The following EXT1 variants were observed in gnomAD, a reference collection of about 807,000 sequenced individuals.
EXT1 encodes the protein exostosin glycosyltransferase 1, also known as exostosin-1.
EXT1 carries 20 observed loss-of-function variants against 82.5 expected under a neutral mutation model. The ratio of observed to expected loss-of-function variants is 0.24; its 90% CI spans 0.17 to 0.35. EXT1 has a LOEUF of 0.35. Ranked by LOEUF, EXT1 falls within the 10% of genes least tolerant of loss-of-function variation. EXT1 has a pLI of 1.00. For synonymous variants in EXT1, 348 were observed against 350.8 expected, an observed-to-expected ratio of 0.99 and a Z score of 0.09; for missense variants, 757 against 936.5, an observed-to-expected ratio of 0.81 and a Z score of 2.50.
intron 8 of EXT1, 145 bp downstream of exon 8, chr8:117,812,727 G>A: frequency 1.3e-6 from 1 of 759,832 alleles, no homozygotes; most frequent in Admixed American, 2.0e-5. Context: ...ACAGGAATCG[G>A]GCTGATTAAA....
intron 1 of EXT1, among the ~76,000 whole-genome samples, chr8:118,044,826 C>T (rs1026735163): frequency 2.0e-5 from 3 of 152,176 alleles, no homozygotes; most frequent in Non-Finnish European, 2.9e-5. Flanking sequence ...GGCGCCCCAC[C>T]GCATGCTTTT....
intron 1 of EXT1, among the ~76,000 whole-genome samples, chr8:117,879,299 A>G (rs1813021625): frequency 6.6e-6 from 1 of 152,220 alleles, no homozygotes; most frequent in Non-Finnish European, 1.5e-5. Flanking sequence ...CTTTCATGTC[A>G]TAATTTCTCC....
intron 1 of EXT1, among the ~76,000 whole-genome samples, chr8:118,050,575 A>C (rs867915583): frequency 6.6e-6 from 1 of 152,234 alleles, no homozygotes; most frequent in African/African-American, 2.4e-5. Context: ...TCTCTCTTGC[A>C]AGTACTCAAT....
chr8:117,980,983 C>G (rs1815187185), intron 1 of EXT1, among the ~76,000 whole-genome samples: 1 of 152,104 alleles, frequency 6.6e-6, no homozygotes, highest in Non-Finnish European at 1.5e-5. Context: ...CAGAAGTCAG[C>G]CCACAGATGC....
At position 118,084,442 on chromosome 8, in the gene EXT1, A is replaced by G. The variant is rs2129987606; in HGVS notation, c.962+25643T>C. 2.0e-5 allele frequency among the ~76,000 whole-genome samples: 3 copies of G among 152,336 alleles called. No individual in the cohort carries two copies. The Middle Eastern group carries it at 0.01, about 518-fold the overall frequency. On this transcript the variant is annotated intron_variant, in intron 1 of 10. Coordinates refer to ENST00000378204, the MANE Select transcript of EXT1 (RefSeq NM_000127.3). ...ACATCCATCTCTTTCACTGGGCTGC[A>G]GGCTCAAAGACTGCAGGGATCAGAT...
intron 8 of EXT1, 101 bp from the exon 9 acceptor site, chr8:117,807,478 C>T: frequency 7.4e-7 from 1 of 1,353,522 alleles, no homozygotes; most frequent in South Asian, 1.2e-5. Context: ...AATCCGGGGA[C>T]TGTGGCGAAA....
At position 117,968,230 on chromosome 8, in the gene EXT1, C is replaced by T. The variant is rs527545704; in HGVS notation, c.963-131029G>A. On this transcript the variant is annotated intron_variant, in intron 1 of 10. Transcript: ENST00000378204. Reference sequence around the variant, plus strand: ...AAGCGATCCTCCCACCCCAACCTCCCCAGTAGCTGTGACTACAGGCACACA... The same window carrying T: ...AAGCGATCCTCCCACCCCAACCTCCTCAGTAGCTGTGACTACAGGCACACA... 3.4e-3 allele frequency among the ~76,000 whole-genome samples: 511 copies of T among 152,160 alleles called. 4 individuals are homozygous for T. The highest frequency in any genetic ancestry group is 0.012 in the African/African-American group (481 of 41,520).
rs759834555 is a variant in EXT1, at chr8:118,111,031, G to GT, written c.15dup (p.Arg6ThrfsTer24). On this transcript the variant is annotated frameshift_variant, in exon 1 of 11. Transcript: ENST00000378204. LOFTEE classifies it high-confidence loss of function. ...CCAGCTGAGAGCAGGATGAAATAGC[G>GT]TTTTTTGGCCTGCATGTGTCCTGCC... The GT allele has an allele frequency of 6.3e-7, 1 of 1,598,176 alleles. No homozygotes were observed.
chr8:117,959,505 C>T (rs1442008263), intron 1 of EXT1, among the ~76,000 whole-genome samples: 3 of 152,184 alleles, frequency 2.0e-5, no homozygotes, highest in East Asian at 1.9e-4. Context: ...AGGCAGTTCT[C>T]GGCACAGTCC....
intron 1 of EXT1, 51 bp downstream of exon 1, chr8:118,110,034 C>T: frequency 6.2e-7 from 1 of 1,612,150 alleles, no homozygotes; most frequent in Non-Finnish European, 8.5e-7. Flanking sequence ...TGGACCAAGG[C>T]CGGCAGAGCC....
intron 1 of EXT1, among the ~76,000 whole-genome samples, chr8:117,843,686 T>C (rs1812308087): frequency 6.6e-6 from 1 of 152,112 alleles, no homozygotes; most frequent in South Asian, 2.1e-4. Flanking sequence ...CTGAAGGGCT[T>C]GAGCAGAAGA....
At chr8:117,923,250 G>A (rs958792258) in intron 1 of EXT1, among the ~76,000 whole-genome samples, 16 of 152,254 alleles carry the variant, frequency 1.1e-4, no homozygotes, top group African/African-American at 3.9e-4. Context: ...GAACCTGGGA[G>A]GTGGAGGTTG....
chr8:117,983,538 T>C (rs891906598), intron 1 of EXT1, among the ~76,000 whole-genome samples: 2 of 152,146 alleles, frequency 1.3e-5, no homozygotes, highest in Non-Finnish European at 2.9e-5. Context: ...GGACGCTCAG[T>C]AGTAACAGCC....
chr8:117,922,971 A>G (rs983680929), intron 1 of EXT1, among the ~76,000 whole-genome samples: 1 of 152,166 alleles, frequency 6.6e-6, no homozygotes, highest in East Asian at 1.9e-4. Context: ...AGTTCATTTT[A>G]TAGATATAAG....
chr8:117,852,266 G>T (rs981867283), intron 1 of EXT1, among the ~76,000 whole-genome samples: 1 of 152,154 alleles, frequency 6.6e-6, no homozygotes, highest in African/African-American at 2.4e-5. Flanking sequence ...CCATTGGCTA[G>T]CTAAGTGAGC....
intron 1 of EXT1, among the ~76,000 whole-genome samples, chr8:118,078,416 C>T (rs185686124): frequency 7.2e-5 from 11 of 151,848 alleles, no homozygotes; most frequent in African/African-American, 2.2e-4. Context: ...CCAGGCTGGT[C>T]TCGAACTCTG....
chr8:117,922,514 C>T (rs1431988714), intron 1 of EXT1, among the ~76,000 whole-genome samples: 2 of 152,160 alleles, frequency 1.3e-5, no homozygotes, highest in Non-Finnish European at 2.9e-5. Flanking sequence ...TTATGACAGT[C>T]ATCTGTCACA....
At chr8:117,820,360 T>C (rs1450745232) in intron 5 of EXT1, among the ~76,000 whole-genome samples, 1 of 152,120 alleles carries the variant, frequency 6.6e-6, no homozygotes, top group Non-Finnish European at 1.5e-5. Context: ...ACAGACCTGA[T>C]AGTAACAGTG....
chr8:117,872,033 G>A (rs1812882046), intron 1 of EXT1, among the ~76,000 whole-genome samples: 1 of 152,076 alleles, frequency 6.6e-6, no homozygotes, highest in Non-Finnish European at 1.5e-5. Flanking sequence ...TTGGGAGGCT[G>A]AGGTGGAAGG....
Sources: allele counts gnomAD v4.1 joint callset (sites outside exome capture counted in the v4.1 genomes callset), GRCh38; gene constraint gnomAD v4.1.1; transcripts MANE v1.5; gene names NCBI Gene and HGNC (gene_info 2026-07-23, HGNC 2026-07-21).